The following TIMP2 variants were observed in gnomAD, a reference collection of about 807,000 sequenced individuals.
The protein encoded by TIMP2 is metalloproteinase inhibitor 2.
In TIMP2, 5 loss-of-function variants were observed where a neutral mutation model predicts 24.3. That is an observed-to-expected ratio of 0.21 (90% CI 0.11 to 0.43). The LOEUF is 0.43. Ranked by LOEUF, TIMP2 falls within the 20% of genes least tolerant of loss-of-function variation. TIMP2 has a pLI of 1.00. For synonymous variants in TIMP2, 130 were observed against 123.2 expected (o/e 1.06, Z -0.37); for missense variants, 221 against 297.5 (o/e 0.74, Z 1.89).
chr17:78,893,863 C>T (rs2069957699), intron 1 of TIMP2, among the ~76,000 whole-genome samples: 1 of 152,124 alleles, frequency 6.6e-6, no homozygotes, highest in Non-Finnish European at 1.5e-5. Flanking sequence ...GGCATTTACA[C>T]CAAAACAGTA....
intron 1 of TIMP2, among the ~76,000 whole-genome samples, chr17:78,921,297 G>C (rs1267896168): frequency 1.4e-5 from 2 of 147,140 alleles, no homozygotes; most frequent in African/African-American, 2.5e-5. Flanking sequence ...CCCCTCTCTA[G>C]CTGGAGCTGG....
intron 3 of TIMP2, among the ~76,000 whole-genome samples, chr17:78,859,037 ATT>A (rs1205611645): frequency 6.6e-6 from 1 of 152,090 alleles, no homozygotes; most frequent in Admixed American, 6.6e-5. Context: ...TGTAGATTAT[ATT>A]GTTTCCTGTT....
chr17:78,858,085 G>T (rs1479594895), intron 3 of TIMP2, among the ~76,000 whole-genome samples: 2 of 150,222 alleles, frequency 1.3e-5, no homozygotes, highest in African/African-American at 4.9e-5. Context: ...AAAATAAAAA[G>T]TGGAAAAAAA....
At chr17:78,908,344 G>A (rs1031393418) in intron 1 of TIMP2, among the ~76,000 whole-genome samples, 6 of 152,274 alleles carry the variant, frequency 3.9e-5, no homozygotes, top group African/African-American at 1.4e-4. Context: ...ATATAGGGCT[G>A]CCTGATCAAA....
chr17:78,866,176 C>T (rs768462273), intron 3 of TIMP2, among the ~76,000 whole-genome samples: 4 of 152,192 alleles, frequency 2.6e-5, no homozygotes, highest in Non-Finnish European at 4.4e-5. Context: ...GATGCTGACA[C>T]GCTGGGAAAT....
intron 1 of TIMP2, among the ~76,000 whole-genome samples, chr17:78,914,260 C>CATTTATTTATTTATTTATTT (rs200386858): frequency 4.2e-4 from 41 of 97,134 alleles, no homozygotes; most frequent in South Asian, 1.7e-3. Context: ...TTTGGCTATT[C>CATTTATTTATTTATTTATTT]ATTTATTTAT....
intron 1 of TIMP2, chr17:78,899,140 G>T: frequency 6.6e-6 from 1 of 152,398 alleles, no homozygotes; most frequent in Non-Finnish European, 1.5e-5. Context: ...CTGCCATCTG[G>T]GGGACCACGC....
At chr17:78,877,995 C>T (rs1257726862) in intron 1 of TIMP2, among the ~76,000 whole-genome samples, 2 of 152,152 alleles carry the variant, frequency 1.3e-5, no homozygotes, top group Admixed American at 1.3e-4. Flanking sequence ...CATGAGCTAC[C>T]GCGCCCGGCC....
chr17:78,897,732 C>G (rs565865850), intron 1 of TIMP2: 2 of 152,412 alleles, frequency 1.3e-5, no homozygotes, highest in East Asian at 3.9e-4. Context: ...AAGGCATGAA[C>G]TGGCCCCTCC....
chr17:78,855,862 G>A lies in TIMP2; in HGVS notation c.468C>T (p.Ile156=), dbSNP rs1434492496. ...HRYQMGCECK[I]TRCPMIPCYI... ...AGCACGGGATCATGGGGCAGCGCGTGATCTGGGGAGGGGCACACGGAGGGG... is the reference window on the plus strand; with the variant it reads ...AGCACGGGATCATGGGGCAGCGCGTAATCTGGGGAGGGGCACACGGAGGGG... The change falls in exon 5 of 5, where the codon ATC becomes ATT. Residue 156 remains isoleucine (I), a splice_region_variant and synonymous_variant. Transcript: ENST00000262768. This position sits in a 1 kb window ranked among gnomAD's most constrained non-coding sequence, Gnocchi z 6.0. 6.2e-7 allele frequency: 1 copy of A among 1,613,918 alleles called. No individual in the cohort carries two copies. The highest frequency in any genetic ancestry group is 8.5e-7 in the Non-Finnish European group (1 of 1,179,980).
intron 1 of TIMP2, among the ~76,000 whole-genome samples, chr17:78,884,769 C>T (rs1397787856): frequency 2.0e-5 from 3 of 152,240 alleles, no homozygotes; most frequent in Non-Finnish European, 2.9e-5. Flanking sequence ...TCGATATAAC[C>T]CCCTTGCCAT....
intron 1 of TIMP2, among the ~76,000 whole-genome samples, chr17:78,879,917 G>A (rs532745600): frequency 2.0e-5 from 3 of 151,820 alleles, no homozygotes; most frequent in South Asian, 2.1e-4. Flanking sequence ...GAGTGGGGAC[G>A]GAAAAGAACC....
intron 1 of TIMP2, among the ~76,000 whole-genome samples, chr17:78,879,599 G>A (rs1257491758): frequency 6.6e-6 from 1 of 152,148 alleles, no homozygotes. Context: ...GCAGCTGCGA[G>A]AGGGGGAGTC....
At chr17:78,862,430 G>T (rs1033275917) in intron 3 of TIMP2, among the ~76,000 whole-genome samples, 2 of 152,208 alleles carry the variant, frequency 1.3e-5, no homozygotes, top group Non-Finnish European at 2.9e-5. Flanking sequence ...GCCATGAGGT[G>T]AGTCAGCCAC....
chr17:78,924,937 G>A lies in TIMP2; in HGVS notation c.130+22C>T. 1.6e-6 allele frequency: 2 copies of A among 1,236,846 alleles called. No homozygotes were observed. The highest frequency in any genetic ancestry group is 3.2e-4 in the Middle Eastern group (1 of 3,150). The allele number at this position is 1,236,846 out of a possible 1,614,324, so 76.6% of individuals were successfully genotyped here. On this transcript the variant is annotated intron_variant, in intron 1 of 4. Transcript: ENST00000262768. This position sits in a 1 kb window ranked among gnomAD's most constrained non-coding sequence, Gnocchi z 5.3. ...CGGGGGAGGTGGGGCCCCGCGCGGG[G>A]GCTGGGGTCGCCGCTCCTTACCTAC...
intron 1 of TIMP2, chr17:78,897,778 T>A (rs1002636942): frequency 6.6e-5 from 10 of 152,240 alleles, no homozygotes; most frequent in African/African-American, 2.4e-4. Context: ...CACCTCGGCC[T>A]GTAACAGACA....
intron 2 of TIMP2, 34 bp from the exon 3 acceptor site, chr17:78,871,040 G>A (rs1483419596): frequency 1.5e-5 from 24 of 1,571,878 alleles, no homozygotes; most frequent in Non-Finnish European, 2.0e-5. Context: ...TGTAAGCAGA[G>A]GGAGGCCACA....
At chr17:78,904,487 T>TCCTG (rs1198398175) in intron 1 of TIMP2, 1 of 152,106 alleles carries the variant, frequency 6.6e-6, no homozygotes, top group African/African-American at 2.4e-5. Context: ...AAGCCCTTTG[T>TCCTG]CCTGGGCTGG....
intron 1 of TIMP2, among the ~76,000 whole-genome samples, chr17:78,894,515 T>A (rs559737335): frequency 1.3e-5 from 2 of 152,262 alleles, no homozygotes; most frequent in Admixed American, 1.3e-4. Context: ...GATTGAGATT[T>A]TTGACAAAGG....
Sources: allele counts gnomAD v4.1 joint callset (sites outside exome capture counted in the v4.1 genomes callset), GRCh38; gene constraint gnomAD v4.1.1; non-coding constraint Gnocchi (gnomAD v3.1); transcripts MANE v1.5; gene names NCBI Gene and HGNC (gene_info 2026-07-23, HGNC 2026-07-21).